BCKDHB: variants seen among roughly 807,000 people sequenced by gnomAD.
BCKDHB encodes 2-oxoisovalerate dehydrogenase subunit beta, mitochondrial.
In BCKDHB, 41 loss-of-function variants were observed where a neutral mutation model predicts 48.5. The observed-to-expected ratio is 0.85, with a 90% CI of 0.66 to 1.10. The LOEUF is 1.10. Among genes scored for constraint, BCKDHB ranks in the 50% least tolerant of loss-of-function variants. The pLI, the probability that BCKDHB is intolerant of heterozygous loss-of-function variation, is 0.00. For missense variants in BCKDHB, 496 were observed against 494.2 expected, an observed-to-expected ratio of 1.00 and a Z score of -0.03; for synonymous variants, 201 against 174.8, an observed-to-expected ratio of 1.15 and a Z score of -1.18.
chr6:80,413,407 T>A, the BCKDHB span, among the ~76,000 whole-genome samples: 12 of 152,282 alleles, frequency 7.9e-5, no homozygotes, highest in South Asian at 2.5e-3. Flanking sequence ...ACATATTAAG[T>A]CCAGAACCCA....
At chr6:80,436,147 CTTTTTTTT>C in the BCKDHB span, among the ~76,000 whole-genome samples, 1,276 of 70,328 alleles carry the variant, frequency 0.018, 10 homozygotes, top group African/African-American at 0.057. Flanking sequence ...AAATTCTTTT[CTTTTTTTT>C]TTTTTTTTTT....
intron 9 of BCKDHB, among the ~76,000 whole-genome samples, chr6:80,278,718 C>T (rs1169501283): frequency 6.6e-6 from 1 of 152,124 alleles, no homozygotes; most frequent in African/African-American, 2.4e-5. Flanking sequence ...GCCACCCTGC[C>T]CAGCTAATGT....
intron 3 of BCKDHB, among the ~76,000 whole-genome samples, chr6:80,142,215 TTGAG>T (rs567394099): frequency 2.1e-4 from 32 of 152,190 alleles, no homozygotes; most frequent in African/African-American, 6.0e-4. Context: ...ATTTATTTTA[TTGAG>T]TAATAAGTGT....
chr6:80,320,609 T>C (rs1319812709), intron 9 of BCKDHB, among the ~76,000 whole-genome samples: 1 of 152,230 alleles, frequency 6.6e-6, no homozygotes, highest in Non-Finnish European at 1.5e-5. Flanking sequence ...GGTGGAGGCC[T>C]GTAGAAGAAT....
chr6:80,220,304 G>GTTTTTTTTTTTTTTTTTTTTA (rs56967096), intron 8 of BCKDHB, among the ~76,000 whole-genome samples: 1 of 60,860 alleles, frequency 1.6e-5, no homozygotes, highest in Non-Finnish European at 2.9e-5. Context: ...CATGCTATTT[G>GTTTTTTTTTTTTTTTTTTTTA]TTTTTTTTTT....
chr6:80,137,693 G>T (rs1328405718), intron 3 of BCKDHB, among the ~76,000 whole-genome samples: 1 of 151,980 alleles, frequency 6.6e-6, no homozygotes, highest in Non-Finnish European at 1.5e-5. Context: ...TCATACCTTG[G>T]GGGGTACCAC....
intron 8 of BCKDHB, among the ~76,000 whole-genome samples, chr6:80,226,206 A>G (rs1775669418): frequency 1.3e-5 from 2 of 152,198 alleles, no homozygotes; most frequent in Admixed American, 6.5e-5. Context: ...TTGTTTTTCC[A>G]TGAGGTAATT....
intron 9 of BCKDHB, among the ~76,000 whole-genome samples, chr6:80,329,938 A>G (rs1422858603): frequency 6.6e-6 from 1 of 152,202 alleles, no homozygotes; most frequent in Non-Finnish European, 1.5e-5. Flanking sequence ...GGACACTCAC[A>G]TATTAATAAG....
chr6:80,120,837 A>C (rs942822615), intron 1 of BCKDHB, among the ~76,000 whole-genome samples: 5 of 151,858 alleles, frequency 3.3e-5, no homozygotes, highest in African/African-American at 4.8e-5. Context: ...ATGATAGTTT[A>C]TTTTGCCGTG....
At position 80,137,192 on chromosome 6, in the gene BCKDHB, A is replaced by G. The variant is rs1206758266; in HGVS notation, c.343+7963A>G. Among the ~76,000 whole-genome samples the G allele has an allele frequency of 3.9e-5, 6 of 152,110 alleles. No homozygotes were observed. In the East Asian group the frequency reaches 9.6e-4, roughly 24 times the overall value. ...TGCTTCATTTACTTTAGTTTTTCTT[A>G]TTTATTACTTTGATGACCTTTTGTG... On this transcript the variant is annotated intron_variant, in intron 3 of 9. Transcript: ENST00000320393.
At chr6:80,365,269 G>A in the BCKDHB span, among the ~76,000 whole-genome samples, 861 of 152,272 alleles carry the variant, frequency 5.7e-3, 9 homozygotes, top group African/African-American at 0.019. Context: ...ACAGAAAACA[G>A]GGTTTGAGAG....
At position 80,185,640 on chromosome 6, in the gene BCKDHB, C is replaced by T. The variant is rs141499436; in HGVS notation, c.742+14250C>T. ...CCTTGATGTGATGTTCTCCCCTTCACCTGGAGATGGGACTTCCTGAGAGAG... is the reference window on the plus strand; with the variant it reads ...CCTTGATGTGATGTTCTCCCCTTCATCTGGAGATGGGACTTCCTGAGAGAG... On this transcript the variant is annotated intron_variant, in intron 6 of 9. Coordinates refer to ENST00000320393, the MANE Select transcript of BCKDHB (RefSeq NM_183050.4). Among the ~76,000 whole-genome samples the T allele has an allele frequency of 1.7e-3, 262 of 152,274 alleles. 1 individual carries two copies. Among genetic ancestry groups the T allele is most frequent in the African/African-American group, 6.0e-3 (248 of 41,556 alleles).
chr6:80,233,472 C>T (rs1296322021), intron 8 of BCKDHB, among the ~76,000 whole-genome samples: 1 of 152,108 alleles, frequency 6.6e-6, no homozygotes, highest in Non-Finnish European at 1.5e-5. Context: ...TGGGAAAGTT[C>T]ACATCATTGC....
At chr6:80,243,428 A>G (rs1049969154) in intron 8 of BCKDHB, among the ~76,000 whole-genome samples, 4 of 152,234 alleles carry the variant, frequency 2.6e-5, no homozygotes, top group East Asian at 3.8e-4. Context: ...AGAAGATTCA[A>G]TGTAGATAGA....
intron 9 of BCKDHB, among the ~76,000 whole-genome samples, chr6:80,310,254 A>C (rs1049918324): frequency 6.6e-6 from 1 of 151,960 alleles, no homozygotes; most frequent in African/African-American, 2.4e-5. Context: ...TTCCTCCTCC[A>C]ACCCAAAGCC....
chr6:80,369,214 T>C, the BCKDHB span, among the ~76,000 whole-genome samples: 1 of 145,758 alleles, frequency 6.9e-6, no homozygotes, highest in South Asian at 2.2e-4. Flanking sequence ...ATGAAAATAA[T>C]GGTAACATTT....
intron 1 of BCKDHB, among the ~76,000 whole-genome samples, chr6:80,115,703 C>G (rs1179963866): frequency 6.6e-6 from 1 of 151,450 alleles, no homozygotes. Context: ...GTGGCGCGAT[C>G]TTGGCCCACT....
chr6:80,155,443 G>A lies in BCKDHB; in HGVS notation c.344-12235G>A, dbSNP rs190961017. 2.7e-3 allele frequency among the ~76,000 whole-genome samples: 416 copies of A among 152,206 alleles called. 6 individuals carry two copies. The highest frequency in any genetic ancestry group is 0.026 in the Admixed American group (392 of 15,290). ...AAGAAAGGGAAGCAATTGTTGATTCGGGTATCAAGCTGCCAGTTACTGGCT... is the reference window on the plus strand; with the variant it reads ...AAGAAAGGGAAGCAATTGTTGATTCAGGTATCAAGCTGCCAGTTACTGGCT... On this transcript the variant is annotated intron_variant, in intron 3 of 9. Transcript: ENST00000320393.
At chr6:80,140,047 T>A (rs1421306451) in intron 3 of BCKDHB, among the ~76,000 whole-genome samples, 1 of 152,234 alleles carries the variant, frequency 6.6e-6, no homozygotes, top group East Asian at 1.9e-4. Context: ...TTCCTAAGTA[T>A]TTTATTCTCT....
Sources: allele counts gnomAD v4.1 joint callset (sites outside exome capture counted in the v4.1 genomes callset), GRCh38; gene constraint gnomAD v4.1.1; transcripts MANE v1.5; gene names NCBI Gene and HGNC (gene_info 2026-07-23, HGNC 2026-07-21).